Variants in EPHA3 observed in about 807,000 individuals in gnomAD.
The protein encoded by EPHA3 is ephrin type-A receptor 3.
Under a neutral mutation model 107.1 loss-of-function variants are expected in EPHA3, and 42 were observed. That is an observed-to-expected ratio of 0.39 (90% CI 0.31 to 0.51). EPHA3 has a LOEUF of 0.51. EPHA3 is among the 20% of genes least tolerant of loss of function. EPHA3 has a pLI of 0.78. For missense variants in EPHA3, 1,183 were observed against 1,211.2 expected, an observed-to-expected ratio of 0.98 and a Z score of 0.35; for synonymous variants, 461 against 424.8, an observed-to-expected ratio of 1.09 and a Z score of -1.05.
chr3:89,207,057 T>C (rs1706122569), intron 2 of EPHA3, among the ~76,000 whole-genome samples: 1 of 152,140 alleles, frequency 6.6e-6, no homozygotes, highest in Non-Finnish European at 1.5e-5. Flanking sequence ...TTGTTTTGTT[T>C]GTAAGTTAAT....
intron 2 of EPHA3, among the ~76,000 whole-genome samples, chr3:89,200,887 C>T (rs1705952754): frequency 6.6e-6 from 1 of 152,098 alleles, no homozygotes; most frequent in African/African-American, 2.4e-5. Flanking sequence ...TGAGCGTGCC[C>T]TTCAATACCA....
chr3:89,164,156 C>G (rs1341869780), intron 2 of EPHA3, among the ~76,000 whole-genome samples: 1 of 152,148 alleles, frequency 6.6e-6, no homozygotes, highest in Non-Finnish European at 1.5e-5. Flanking sequence ...ACCAGGTAGC[C>G]TAGACAAGGA....
intron 2 of EPHA3, among the ~76,000 whole-genome samples, chr3:89,162,545 A>C (rs145160167): frequency 8.9e-4 from 136 of 152,132 alleles, no homozygotes; most frequent in African/African-American, 3.2e-3. Flanking sequence ...CCTTCTCCTC[A>C]ATTGTAGTTT....
At chr3:89,417,153 T>A (rs1237320013) in intron 10 of EPHA3, among the ~76,000 whole-genome samples, 1 of 151,494 alleles carries the variant, frequency 6.6e-6, no homozygotes, top group Admixed American at 6.6e-5. Context: ...CATTAGTTCC[T>A]TTAATCCCAC....
intron 3 of EPHA3, among the ~76,000 whole-genome samples, chr3:89,221,930 A>G (rs1373449126): frequency 6.6e-6 from 1 of 152,178 alleles, no homozygotes; most frequent in East Asian, 1.9e-4. Context: ...AAAGATTGGC[A>G]ATGGTGGTAT....
chr3:89,351,455 A>T (rs1263316393), intron 5 of EPHA3, among the ~76,000 whole-genome samples: 1 of 150,398 alleles, frequency 6.6e-6, no homozygotes, highest in African/African-American at 2.4e-5. Context: ...AGGTGAGGCA[A>T]TGCCTCGCCC....
intron 2 of EPHA3, among the ~76,000 whole-genome samples, chr3:89,176,217 C>T (rs1705317128): frequency 6.6e-6 from 1 of 151,986 alleles, no homozygotes; most frequent in African/African-American, 2.4e-5. Context: ...CATGGTGGCT[C>T]ACAACTGTAA....
rs188003485 is a variant in EPHA3, at chr3:89,416,649, G to C, written c.1889-2556G>C. On this transcript the variant is annotated intron_variant, in intron 10 of 16. Coordinates refer to ENST00000336596, the MANE Select transcript of EPHA3 (RefSeq NM_005233.6). ...TTGAATTAATATTAAGCATTTCTATGTCTTTTATAATATATTGGCGGCTAT... is the reference window on the plus strand; with the variant it reads ...TTGAATTAATATTAAGCATTTCTATCTCTTTTATAATATATTGGCGGCTAT... Among the ~76,000 whole-genome samples, 1,443 of 151,226 alleles carry C rather than the reference G, an allele frequency of 9.5e-3. 26 individuals carry two copies. The highest frequency in any genetic ancestry group is 0.033 in the African/African-American group (1,380 of 41,380).
intron 5 of EPHA3, among the ~76,000 whole-genome samples, chr3:89,362,089 G>A (rs891130555): frequency 1.3e-5 from 2 of 151,028 alleles, no homozygotes; most frequent in East Asian, 1.9e-4. Context: ...TATGTGAGAT[G>A]ACCTCACTTC....
At chr3:89,392,511 C>CA (rs534853599) in intron 5 of EPHA3, among the ~76,000 whole-genome samples, 77 of 151,344 alleles carry the variant, frequency 5.1e-4, no homozygotes, top group Admixed American at 9.2e-4. Flanking sequence ...GCATTTTTGC[C>CA]AAAAAATCCC....
intron 2 of EPHA3, among the ~76,000 whole-genome samples, chr3:89,147,458 G>T (rs996774181): frequency 3.3e-5 from 5 of 151,906 alleles, no homozygotes; most frequent in Non-Finnish European, 5.9e-5. Flanking sequence ...CCATATAATT[G>T]TGAAGAAGAA....
At chr3:89,199,932 C>G (rs998634811) in intron 2 of EPHA3, among the ~76,000 whole-genome samples, 1 of 152,022 alleles carries the variant, frequency 6.6e-6, no homozygotes, top group Admixed American at 6.5e-5. Context: ...TAAAATAGGG[C>G]GCTTACTTGG....
chr3:89,472,670 TTG>T (rs570994224), intron 16 of EPHA3, 51 bp downstream of exon 16: 372,120 of 1,563,498 alleles, frequency 0.24, 48,420 homozygotes, highest in African/African-American at 0.36. Context: ...TTGAACTTTC[TTG>T]GCTTGACATG....
chr3:89,324,782 C>T (rs757239843), intron 3 of EPHA3, among the ~76,000 whole-genome samples: 14 of 152,078 alleles, frequency 9.2e-5, no homozygotes, highest in Non-Finnish European at 1.3e-4. Context: ...GCTGAGATTT[C>T]GGATATGAAT....
intron 6 of EPHA3, among the ~76,000 whole-genome samples, chr3:89,398,849 G>T (rs1002972925): frequency 1.3e-5 from 2 of 152,008 alleles, no homozygotes; most frequent in African/African-American, 4.8e-5. Context: ...CCCATGTTGG[G>T]ACAGGTGCGG....
intron 5 of EPHA3, among the ~76,000 whole-genome samples, chr3:89,365,691 T>C (rs1708172689): frequency 6.6e-6 from 1 of 150,610 alleles, no homozygotes; most frequent in East Asian, 1.9e-4. Flanking sequence ...TTCCTTTTGG[T>C]TCCTGAACCT....
At position 89,127,101 on chromosome 3, in the gene EPHA3, A is replaced by T. The variant is rs767633801; in HGVS notation, c.89-108A>T. 4.1e-5 allele frequency: 33 copies of T among 796,914 alleles called. 1 individual carries two copies. The highest frequency in any genetic ancestry group is 6.0e-5 in the Non-Finnish European group (28 of 466,544). The allele number at this position is 796,914 out of a possible 1,614,324, so 49.4% of individuals were successfully genotyped here. A position where few individuals can be genotyped will look rare whatever the true frequency, so the allele number is the denominator to read the frequency against. ...TTATAGACTTATAATGAGAAGGAAG[A>T]GTTATGTTTTTTGAGCAACATCAAC... is the stretch of plus-strand genomic sequence containing the variant. On this transcript the variant is annotated intron_variant, in intron 1 of 16. Coordinates refer to ENST00000336596, the MANE Select transcript of EPHA3 (RefSeq NM_005233.6).
At chr3:89,179,975 T>C (rs1020534321) in intron 2 of EPHA3, among the ~76,000 whole-genome samples, 1 of 152,008 alleles carries the variant, frequency 6.6e-6, no homozygotes, top group Non-Finnish European at 1.5e-5. Context: ...AATTTAAATG[T>C]TTAAATATGC....
At chr3:89,218,601 T>G (rs1397695110) in intron 3 of EPHA3, among the ~76,000 whole-genome samples, 2 of 152,052 alleles carry the variant, frequency 1.3e-5, no homozygotes, top group African/African-American at 4.8e-5. Context: ...AAACATACGT[T>G]TGCATGTGTC....
Sources: allele counts gnomAD v4.1 joint callset (sites outside exome capture counted in the v4.1 genomes callset), GRCh38; gene constraint gnomAD v4.1.1; transcripts MANE v1.5; gene names NCBI Gene and HGNC (gene_info 2026-07-23, HGNC 2026-07-21).